Variants in NKAIN3 observed in about 807,000 individuals in gnomAD.
NKAIN3 encodes the protein sodium/potassium transporting ATPase interacting 3.
A neutral mutation model predicts 30.2 loss-of-function variants in NKAIN3; 25 were observed. The ratio of observed to expected loss-of-function variants is 0.83; its 90% CI spans 0.60 to 1.16. The LOEUF (loss-of-function observed/expected upper bound fraction) is 1.16, where lower values mean the gene tolerates loss of function less well. Ranked by LOEUF, NKAIN3 falls within the 50% of genes most tolerant of loss-of-function variation. The probability of loss-of-function intolerance (pLI) is 0.00; values close to 1 mark genes in which losing one functional copy is unlikely to be tolerated. For synonymous variants in NKAIN3, 91 were observed against 89.6 expected (o/e 1.02, Z -0.09); for missense variants, 225 against 254.1 (o/e 0.89, Z 0.78).
intron 1 of NKAIN3, among the ~76,000 whole-genome samples, chr8:62,440,427 G>A (rs1301291944): frequency 6.6e-6 from 1 of 152,112 alleles, no homozygotes; most frequent in Admixed American, 6.5e-5. Flanking sequence ...CAATATATTA[G>A]CACGTATGTC....
At chr8:62,571,759 C>T (rs1368839024) in intron 1 of NKAIN3, among the ~76,000 whole-genome samples, 1 of 152,174 alleles carries the variant, frequency 6.6e-6, no homozygotes, top group East Asian at 1.9e-4. Context: ...GCTGTCAAGG[C>T]TTGGGGCTTG....
intron 3 of NKAIN3, among the ~76,000 whole-genome samples, chr8:62,667,359 C>CA (rs1813151929): frequency 3.1e-5 from 2 of 64,206 alleles, no homozygotes; most frequent in African/African-American, 9.8e-5. Context: ...ATATATATAT[C>CA]TGTATATATA....
At chr8:62,632,805 G>T (rs1401680040) in intron 3 of NKAIN3, among the ~76,000 whole-genome samples, 1 of 152,080 alleles carries the variant, frequency 6.6e-6, no homozygotes, top group African/African-American at 2.4e-5. Flanking sequence ...CTTTAATTAA[G>T]AATTAAGTTT....
chr8:62,894,236 T>C (rs761959508), intron 4 of NKAIN3, among the ~76,000 whole-genome samples: 12 of 152,180 alleles, frequency 7.9e-5, no homozygotes, highest in Non-Finnish European at 1.8e-4. Flanking sequence ...TGAATGTCAA[T>C]TATTCATGCT....
chr8:62,939,981 T>C (rs577825543), intron 5 of NKAIN3, among the ~76,000 whole-genome samples: 4 of 152,184 alleles, frequency 2.6e-5, no homozygotes, highest in African/African-American at 9.6e-5. Flanking sequence ...TGGATAAGAA[T>C]TCACCAACCA....
intron 1 of NKAIN3, among the ~76,000 whole-genome samples, chr8:62,275,072 T>C (rs993593181): frequency 8.5e-5 from 13 of 152,168 alleles, no homozygotes; most frequent in Non-Finnish European, 1.5e-4. Context: ...GCATGTGTTT[T>C]TATAGCAGCA....
Position 62,715,652 on chromosome 8 carries a change from C to T in NKAIN3, c.274-31280C>T, listed in dbSNP as rs373901973. The stretch of plus-strand genomic sequence containing the variant: ...TGTGTCTGTCACACTGTAAGTGCTA[C>T]AGATACATTTGTTGTTGTCATTGTT... On this transcript the variant is annotated intron_variant, in intron 3 of 6. Coordinates refer to ENST00000623646, the MANE Select transcript of NKAIN3 (RefSeq NM_001304533.3). Among the ~76,000 whole-genome samples the T allele has an allele frequency of 2.5e-3, 378 of 152,318 alleles. 2 individuals are homozygous for T. The highest frequency in any genetic ancestry group is 8.7e-3 in the African/African-American group (361 of 41,580).
chr8:62,732,399 T>A lies in NKAIN3; in HGVS notation c.274-14533T>A, dbSNP rs369302239. 4.9e-4 allele frequency among the ~76,000 whole-genome samples: 75 copies of A among 152,208 alleles called. No homozygotes were observed. In the East Asian group the frequency reaches 0.012, roughly 25 times the overall value. ...AATGTAAAAGTTTTTAAATGTGGAA[T>A]TCTTTTATACATTTTTTTGCTATTG... On this transcript the variant is annotated intron_variant, in intron 3 of 6. Coordinates refer to ENST00000623646, the MANE Select transcript of NKAIN3 (RefSeq NM_001304533.3).
chr8:62,573,806 G>T lies in NKAIN3; in HGVS notation c.55-5733G>T, dbSNP rs146800872. ...GGGTACATGTGATTTTATGATAAAGGCTTGCAATGTGTGATAATCACATCA... is the reference window on the plus strand; with the variant it reads ...GGGTACATGTGATTTTATGATAAAGTCTTGCAATGTGTGATAATCACATCA... On this transcript the variant is annotated intron_variant, in intron 1 of 6. Coordinates refer to ENST00000623646, the MANE Select transcript of NKAIN3 (RefSeq NM_001304533.3). 9.8e-4 allele frequency among the ~76,000 whole-genome samples: 149 copies of T among 152,132 alleles called. 1 individual carries two copies. In the East Asian group the frequency reaches 0.026, roughly 27 times the overall value.
In NKAIN3 at chr8:62,731,706, T is replaced by C. The variant is rs183643389; in HGVS notation, c.274-15226T>C. Among the ~76,000 whole-genome samples the C allele has an allele frequency of 8.2e-4, 125 of 152,184 alleles. No homozygotes were observed. The East Asian group carries it at 0.018, about 21-fold the overall frequency. The stretch of plus-strand genomic sequence containing the variant: ...CCCGAAACCGCAAAAGCCAGTGCCC[T>C]TTGGTGGGGAGGAGGAGACCACTGA... On this transcript the variant is annotated intron_variant, in intron 3 of 6. Coordinates refer to ENST00000623646, the MANE Select transcript of NKAIN3 (RefSeq NM_001304533.3).
intron 1 of NKAIN3, among the ~76,000 whole-genome samples, chr8:62,296,483 C>G (rs1813834956): frequency 6.6e-6 from 1 of 152,134 alleles, no homozygotes; most frequent in Non-Finnish European, 1.5e-5. Flanking sequence ...GTTTGAAAAT[C>G]TTTGAACACA....
At chr8:62,796,060 T>G (rs1358326179) in intron 4 of NKAIN3, among the ~76,000 whole-genome samples, 1 of 151,896 alleles carries the variant, frequency 6.6e-6, no homozygotes, top group Non-Finnish European at 1.5e-5. Context: ...GCTTACCAAT[T>G]AAATGTCCCT....
intron 3 of NKAIN3, among the ~76,000 whole-genome samples, chr8:62,743,925 A>G (rs1815988349): frequency 6.6e-6 from 1 of 152,188 alleles, no homozygotes; most frequent in Admixed American, 6.5e-5. Flanking sequence ...CTACCTTTAG[A>G]CAAGGTAAGT....
chr8:62,879,810 G>A (rs1820919415), intron 4 of NKAIN3, among the ~76,000 whole-genome samples: 1 of 152,180 alleles, frequency 6.6e-6, no homozygotes, highest in Non-Finnish European at 1.5e-5. Context: ...CACAGAGAAT[G>A]TATTGCAGTG....
In NKAIN3 at chr8:62,845,586, A is replaced by C. The variant is rs73258737; in HGVS notation, c.472-72867A>C. Among the ~76,000 whole-genome samples, 221 of 152,188 alleles carry C rather than the reference A, an allele frequency of 1.5e-3. 1 individual carries two copies. Among genetic ancestry groups the C allele is most frequent in the African/African-American group, 5.1e-3 (210 of 41,550 alleles). ...AACTGATGTAGCTTACACATTTATT[A>C]CTTTGGCTTATCACAGTTATCCCAG... On this transcript the variant is annotated intron_variant, in intron 4 of 6. Coordinates refer to ENST00000623646, the MANE Select transcript of NKAIN3 (RefSeq NM_001304533.3).
intron 3 of NKAIN3, among the ~76,000 whole-genome samples, chr8:62,737,760 A>G (rs968905882): frequency 1.3e-5 from 2 of 152,168 alleles, no homozygotes; most frequent in African/African-American, 2.4e-5. Flanking sequence ...TGAGAAATCT[A>G]TGGTGTTGGC....
At chr8:62,644,273 GT>G (rs1563497476) in intron 3 of NKAIN3, among the ~76,000 whole-genome samples, 1 of 151,928 alleles carries the variant, frequency 6.6e-6, no homozygotes, top group African/African-American at 2.4e-5. Context: ...TCTTTTTATT[GT>G]CTTTATGATT....
At chr8:62,865,134 C>A (rs1263457668) in intron 4 of NKAIN3, among the ~76,000 whole-genome samples, 1 of 151,964 alleles carries the variant, frequency 6.6e-6, no homozygotes, top group Non-Finnish European at 1.5e-5. Context: ...AGGAGAACTG[C>A]GACATCACCA....
intron 4 of NKAIN3, among the ~76,000 whole-genome samples, chr8:62,899,767 A>G (rs540266202): frequency 3.3e-5 from 5 of 152,302 alleles, no homozygotes; most frequent in Non-Finnish European, 7.4e-5. Flanking sequence ...AACACAAAGG[A>G]TAAAATGCTT....
Sources: allele counts gnomAD v4.1 joint callset (sites outside exome capture counted in the v4.1 genomes callset), GRCh38; gene constraint gnomAD v4.1.1; transcripts MANE v1.5; gene names NCBI Gene and HGNC (gene_info 2026-07-23, HGNC 2026-07-21).